Variants in AGTPBP1 observed in about 807,000 individuals in gnomAD.
AGTPBP1 encodes cytosolic carboxypeptidase 1.
A neutral mutation model predicts 143.9 loss-of-function variants in AGTPBP1; 70 were observed. The ratio of observed to expected loss-of-function variants is 0.49; its 90% CI spans 0.40 to 0.59. The LOEUF (loss-of-function observed/expected upper bound fraction) is 0.59, where lower values mean the gene tolerates loss of function less well. AGTPBP1 is among the 20% of genes least tolerant of loss of function. The probability of loss-of-function intolerance (pLI) is 0.00; values close to 1 mark genes in which losing one functional copy is unlikely to be tolerated. For synonymous variants in AGTPBP1, 463 were observed against 500.2 expected, an observed-to-expected ratio of 0.93 and a Z score of 0.99; for missense variants, 1,229 against 1,464.5, an observed-to-expected ratio of 0.84 and a Z score of 2.62.
chr9:85,595,530 T>C (rs547766583), intron 18 of AGTPBP1, among the ~76,000 whole-genome samples: 1 of 152,288 alleles, frequency 6.6e-6, no homozygotes, highest in Non-Finnish European at 1.5e-5. Flanking sequence ...TTTATTTTAT[T>C]TATTTATTTA....
intron 2 of AGTPBP1, among the ~76,000 whole-genome samples, chr9:85,706,386 C>A (rs1836998649): frequency 6.6e-6 from 1 of 151,868 alleles, no homozygotes; most frequent in East Asian, 1.9e-4. Context: ...TGGCAGGCAC[C>A]TGTAATCCCA....
chr9:85,603,609 G>C (rs1829807262), intron 17 of AGTPBP1, among the ~76,000 whole-genome samples: 1 of 152,140 alleles, frequency 6.6e-6, no homozygotes, highest in African/African-American at 2.4e-5. Context: ...TCAAGGAAAG[G>C]AGAGAGAAGA....
chr9:85,785,018 C>T, the AGTPBP1 span, among the ~76,000 whole-genome samples: 120 of 152,112 alleles, frequency 7.9e-4, no homozygotes, highest in Admixed American at 8.5e-4. Flanking sequence ...CAATGTGCAA[C>T]CTGTGTTTTA....
At chr9:85,742,112 C>A (rs1055059103), upstream of AGTPBP1, 3 of 954,218 alleles carry the variant, frequency 3.1e-6, no homozygotes, top group Admixed American at 5.1e-5. Context: ...TTGTTACCTC[C>A]GTGCGCGCTG....
intron 4 of AGTPBP1, among the ~76,000 whole-genome samples, chr9:85,678,640 G>C (rs1834982554): frequency 6.6e-6 from 1 of 152,116 alleles, no homozygotes; most frequent in Non-Finnish European, 1.5e-5. Context: ...TTTGTCATTT[G>C]AATTCCTCAT....
At chr9:85,768,691 G>A in the AGTPBP1 span, among the ~76,000 whole-genome samples, 1 of 151,950 alleles carries the variant, frequency 6.6e-6, no homozygotes, top group African/African-American at 2.4e-5. Context: ...ATTCCATATG[G>A]TTAGTGATTG....
At chr9:85,612,269 T>A (rs536939906) in intron 17 of AGTPBP1, among the ~76,000 whole-genome samples, 1 of 152,304 alleles carries the variant, frequency 6.6e-6, no homozygotes, top group Admixed American at 6.5e-5. Context: ...CTTGGAACTT[T>A]CAGCCCCAAA....
At chr9:85,687,094 T>C (rs1027257300) in intron 3 of AGTPBP1, among the ~76,000 whole-genome samples, 2 of 152,152 alleles carry the variant, frequency 1.3e-5, no homozygotes, top group African/African-American at 2.4e-5. Context: ...GTGGCAATAT[T>C]ATCATTAGAC....
intron 14 of AGTPBP1, among the ~76,000 whole-genome samples, chr9:85,625,907 T>TTTTG (rs1554708774): frequency 6.5e-4 from 87 of 134,008 alleles, no homozygotes; most frequent in South Asian, 1.0e-3. Flanking sequence ...TAGTTTTGTT[T>TTTTG]TTTTTTTTTT....
chr9:85,775,086 T>C, the AGTPBP1 span, among the ~76,000 whole-genome samples: 1 of 152,108 alleles, frequency 6.6e-6, no homozygotes, highest in Non-Finnish European at 1.5e-5. Context: ...GAGGATTGCT[T>C]GAGCCCAGAA....
At chr9:85,732,400 G>C (rs1452045203) in intron 1 of AGTPBP1, among the ~76,000 whole-genome samples, 1 of 151,812 alleles carries the variant, frequency 6.6e-6, no homozygotes, top group African/African-American at 2.4e-5. Context: ...ATTTTTAGTA[G>C]AGACGGGGTT....
rs138143765 is a variant in AGTPBP1 at position 85,629,415 on chromosome 9, C to T, written c.2015+3247G>A. On this transcript the variant is annotated intron_variant, in intron 14 of 25. Transcript: ENST00000357081. The stretch of plus-strand genomic sequence containing the variant: ...AGGTTGGAGAAGAGTCACAGTAACT[C>T]CCAGTATGTATAAATTCCTCCATCA... Among the ~76,000 whole-genome samples the T allele has an allele frequency of 5.3e-3, 802 of 152,238 alleles. 6 individuals carry two copies. Among genetic ancestry groups the T allele is most frequent in the African/African-American group, 0.017 (701 of 41,520 alleles).
chr9:85,655,046 T>C, intron 11 of AGTPBP1, 97 bp downstream of exon 11: 1 of 1,123,662 alleles, frequency 8.9e-7, no homozygotes, highest in Non-Finnish European at 1.2e-6. Flanking sequence ...AAGTAAGGCC[T>C]TCCTTTGCTG....
At chr9:85,641,328 T>C (rs1240479227) in intron 13 of AGTPBP1, among the ~76,000 whole-genome samples, 1 of 152,224 alleles carries the variant, frequency 6.6e-6, no homozygotes, top group African/African-American at 2.4e-5. Context: ...GTATTTGTTA[T>C]TACTGATATT....
chr9:85,697,516 A>G (rs1198576890), intron 2 of AGTPBP1, among the ~76,000 whole-genome samples: 3 of 129,076 alleles, frequency 2.3e-5, no homozygotes, highest in East Asian at 5.0e-4. Context: ...GCAGTGGCGC[A>G]ATCTCGGCTC....
intron 13 of AGTPBP1, among the ~76,000 whole-genome samples, chr9:85,633,832 T>A (rs1474808199): frequency 6.7e-6 from 1 of 149,152 alleles, no homozygotes; most frequent in Non-Finnish European, 1.5e-5. Context: ...ATACAACAAG[T>A]AATAAATACG....
chr9:85,688,207 GAAAGTC>G (rs931438390), intron 3 of AGTPBP1, among the ~76,000 whole-genome samples: 8 of 146,566 alleles, frequency 5.5e-5, no homozygotes, highest in Non-Finnish European at 1.5e-5. Flanking sequence ...ACAAAACAGA[GAAAGTC>G]AATTAAACCA....
At chr9:85,761,874 A>C in the AGTPBP1 span, among the ~76,000 whole-genome samples, 1 of 152,242 alleles carries the variant, frequency 6.6e-6, no homozygotes, top group Non-Finnish European at 1.5e-5. Context: ...CAATCTACTC[A>C]TCTGACAAAG....
intron 12 of AGTPBP1, among the ~76,000 whole-genome samples, chr9:85,643,489 T>C (rs1187554921): frequency 6.6e-6 from 1 of 152,168 alleles, no homozygotes; most frequent in Admixed American, 6.6e-5. Context: ...AGCACCACAC[T>C]GTCAGCCAGC....
Sources: gnomAD v4.1 joint callset for allele counts (sites outside exome capture counted in the v4.1 genomes callset) on GRCh38, gnomAD v4.1.1 for gene constraint, MANE v1.5 for transcripts, NCBI Gene and HGNC (gene_info 2026-07-23, HGNC 2026-07-21) for gene names.